The following ATF7IP variants were observed in gnomAD, a reference collection of about 807,000 sequenced individuals.
ATF7IP encodes the protein activating transcription factor 7-interacting protein 1.
In ATF7IP, 23 loss-of-function variants were observed where a neutral mutation model predicts 106.4. The ratio of observed to expected loss-of-function variants is 0.22; its 90% CI spans 0.16 to 0.31. The LOEUF is 0.31. Ranked by LOEUF, ATF7IP falls within the 10% of genes least tolerant of loss-of-function variation. ATF7IP has a pLI of 1.00. For synonymous variants in ATF7IP, 542 were observed against 539.0 expected (o/e 1.01, Z -0.08); for missense variants, 1,334 against 1,524.3 (o/e 0.88, Z 2.08).
At chr12:14,455,403 T>C (rs1943386246) in intron 6 of ATF7IP, among the ~76,000 whole-genome samples, 1 of 152,166 alleles carries the variant, frequency 6.6e-6, no homozygotes, top group Admixed American at 6.5e-5. Flanking sequence ...TCTAATGCAA[T>C]GTCATACTAG....
At chr12:14,369,360 A>G (rs1200476441) in intron 1 of ATF7IP, 1 of 151,894 alleles carries the variant, frequency 6.6e-6, no homozygotes, top group African/African-American at 2.4e-5. Flanking sequence ...TTATTTTATT[A>G]TTATTGTTTT....
rs774996560 is a variant in ATF7IP, at chr12:14,498,096, C to T, written c.*23C>T. 9.8e-6 allele frequency: 15 copies of T among 1,529,956 alleles called. No homozygotes were observed. Among genetic ancestry groups the T allele is most frequent in the Non-Finnish European group, 1.2e-5 (14 of 1,138,438 alleles). The allele number at this position is 1,529,956 out of a possible 1,614,324, so 94.8% of individuals were successfully genotyped here. A position where few individuals can be genotyped will look rare whatever the true frequency, so the allele number is the denominator to read the frequency against. ...TAAACCTTGGAGCCTTTATATTTTC[C>T]TCTTTTAAAATTTCCACCTTTTGGT... On this transcript the variant is annotated 3_prime_UTR_variant, in exon 15 of 15. Coordinates refer to ENST00000261168, the MANE Select transcript of ATF7IP (RefSeq NM_018179.5).
At position 14,439,845 on chromosome 12, in the gene ATF7IP, A is replaced by G. The variant is rs530354131; in HGVS notation, c.1929+1578A>G. ...GAGACTCTGTCTCCAAAATAAATCC[A>G]TCCATCCATCCATCCATCCATCCAT... On this transcript the variant is annotated intron_variant, in intron 5 of 14. Coordinates refer to ENST00000261168, the MANE Select transcript of ATF7IP (RefSeq NM_018179.5). Among the ~76,000 whole-genome samples the G allele has an allele frequency of 1.1e-4, 5 of 43,982 alleles. No homozygotes were observed. The East Asian group carries it at 3.3e-3, about 29-fold the overall frequency. 28.9% of individuals were successfully genotyped at this position (43,982 alleles called of 152,430 possible). A position where few individuals can be genotyped will look rare whatever the true frequency, so the allele number is the denominator to read the frequency against.
intron 10 of ATF7IP, among the ~76,000 whole-genome samples, chr12:14,471,083 G>A (rs1479220131): frequency 6.6e-6 from 1 of 151,784 alleles, no homozygotes; most frequent in Non-Finnish European, 1.5e-5. Context: ...TAATATTTGG[G>A]GATTTTGCAA....
At chr12:14,472,201 G>A (rs1481044773) in intron 10 of ATF7IP, among the ~76,000 whole-genome samples, 1 of 152,074 alleles carries the variant, frequency 6.6e-6, no homozygotes, top group Non-Finnish European at 1.5e-5. Flanking sequence ...CTAATTAGTA[G>A]TGTTTTATGC....
At chr12:14,430,871 T>G (rs1942082642) in intron 2 of ATF7IP, among the ~76,000 whole-genome samples, 1 of 152,244 alleles carries the variant, frequency 6.6e-6, no homozygotes, top group Non-Finnish European at 1.5e-5. Context: ...TAGCACTTAT[T>G]GCTGATTCCT....
At chr12:14,408,989 T>C (rs1940763828) in intron 1 of ATF7IP, among the ~76,000 whole-genome samples, 1 of 152,110 alleles carries the variant, frequency 6.6e-6, no homozygotes, top group African/African-American at 2.4e-5. Context: ...CTTCTTCTTT[T>C]GTGAAATGAC....
chr12:14,371,578 C>A (rs1212894023), intron 1 of ATF7IP, among the ~76,000 whole-genome samples: 1 of 151,870 alleles, frequency 6.6e-6, no homozygotes, highest in Non-Finnish European at 1.5e-5. Flanking sequence ...GAAATGATGT[C>A]CAGCATCATG....
At chr12:14,416,219 A>G (rs184101279) in intron 1 of ATF7IP, among the ~76,000 whole-genome samples, 1 of 152,220 alleles carries the variant, frequency 6.6e-6, no homozygotes, top group Non-Finnish European at 1.5e-5. Flanking sequence ...TAAAGAATCT[A>G]ATAGCAGAGT....
Position 14,427,804 on chromosome 12 carries a change from T to A in ATF7IP, c.1558+2331T>A, listed in dbSNP as rs539504544. Among the ~76,000 whole-genome samples the A allele has an allele frequency of 9.1e-4, 139 of 152,136 alleles. 1 individual carries two copies. The highest frequency in any genetic ancestry group is 1.6e-3 in the Non-Finnish European group (109 of 67,984). ...TACTACTATCATAATAGATCTAGAGTCCAATTCACAACTGTTATTACTCCT... is the reference window on the plus strand; with the variant it reads ...TACTACTATCATAATAGATCTAGAGACCAATTCACAACTGTTATTACTCCT... On this transcript the variant is annotated intron_variant, in intron 2 of 14. Transcript: ENST00000261168.
chr12:14,417,564 A>G (rs1182387835), intron 1 of ATF7IP, among the ~76,000 whole-genome samples: 2 of 152,258 alleles, frequency 1.3e-5, no homozygotes, highest in African/African-American at 2.4e-5. Flanking sequence ...TGAATTTTGC[A>G]TTGTATAGAA....
At chr12:14,381,695 A>C (rs1020867371) in intron 1 of ATF7IP, among the ~76,000 whole-genome samples, 4 of 152,144 alleles carry the variant, frequency 2.6e-5, no homozygotes, top group African/African-American at 9.7e-5. Context: ...TAATGTTAAT[A>C]ATAACTTACA....
intron 12 of ATF7IP, 28 bp downstream of exon 12, chr12:14,478,500 G>A (rs757452740): frequency 1.1e-5 from 18 of 1,612,686 alleles, no homozygotes; most frequent in Non-Finnish European, 1.1e-5. Flanking sequence ...TTGAGTAGAA[G>A]CTTTGGTTTT....
intron 5 of ATF7IP, among the ~76,000 whole-genome samples, chr12:14,444,060 A>AG (rs1446758771): frequency 6.6e-6 from 1 of 152,200 alleles, no homozygotes; most frequent in Non-Finnish European, 1.5e-5. Flanking sequence ...GATTCCTCTC[A>AG]AATCACAGTA....
chr12:14,373,845 G>C (rs1057147511), intron 1 of ATF7IP, among the ~76,000 whole-genome samples: 20 of 151,916 alleles, frequency 1.3e-4, no homozygotes, highest in African/African-American at 4.4e-4. Flanking sequence ...ATATTTGATA[G>C]AATTCTTCCC....
At position 14,498,083 on chromosome 12, in the gene ATF7IP, C is replaced by A; in HGVS notation, c.*10C>A. 1 of 1,543,430 alleles carries A rather than the reference C, an allele frequency of 6.5e-7. No homozygotes were observed. Among genetic ancestry groups the A allele is most frequent in the South Asian group, 1.2e-5 (1 of 81,990 alleles). On this transcript the variant is annotated 3_prime_UTR_variant, in exon 15 of 15. Transcript: ENST00000261168. ...TACCCAGAGCAGTTAAACCTTGGAGCCTTTATATTTTCCTCTTTTAAAATT... is the reference window on the plus strand; with the variant it reads ...TACCCAGAGCAGTTAAACCTTGGAGACTTTATATTTTCCTCTTTTAAAATT...
chr12:14,401,172 C>T (rs945205469), intron 1 of ATF7IP, among the ~76,000 whole-genome samples: 1 of 151,902 alleles, frequency 6.6e-6, no homozygotes, highest in South Asian at 2.1e-4. Flanking sequence ...TTTCAAAATC[C>T]ATTTCTTCCT....
chr12:14,424,012 AAAG>A lies in ATF7IP; in HGVS notation c.103_105del (p.Glu35del). 4 of 1,614,184 alleles carry A rather than the reference AAAG, an allele frequency of 2.5e-6. No individual in the cohort carries two copies. Among genetic ancestry groups the A allele is most frequent in the South Asian group, 1.1e-5 (1 of 91,084 alleles). On this transcript the variant is annotated inframe_deletion, in exon 2 of 15. Transcript: ENST00000261168. ...GCAACTTGAAGCAGTGTACAAGGTC[AAAG>A]AAGAACTGTTGAAAACTGATGTCAA...
chr12:14,442,829 A>G (rs1034794100), intron 5 of ATF7IP, among the ~76,000 whole-genome samples: 13 of 152,282 alleles, frequency 8.5e-5, no homozygotes, highest in Admixed American at 3.9e-4. Flanking sequence ...TATGTTAACA[A>G]CCTTGTACCA....
Sources: gnomAD v4.1 joint callset for allele counts (sites outside exome capture counted in the v4.1 genomes callset) on GRCh38, gnomAD v4.1.1 for gene constraint, MANE v1.5 for transcripts, NCBI Gene and HGNC (gene_info 2026-07-23, HGNC 2026-07-21) for gene names.